Variants in NCOR2 observed in about 807,000 individuals in gnomAD.
NCOR2 encodes CTG repeat protein 26.
Under a neutral mutation model 262.9 loss-of-function variants are expected in NCOR2, and 81 were observed. That is an observed-to-expected ratio of 0.31 (90% CI 0.26 to 0.37). NCOR2 has a LOEUF of 0.37. Among genes scored for constraint, NCOR2 ranks in the 10% least tolerant of loss-of-function variants. The probability of loss-of-function intolerance (pLI) is 1.00; values close to 1 mark genes in which losing one functional copy is unlikely to be tolerated. For synonymous variants in NCOR2, 1,659 were observed against 1,559.3 expected, an observed-to-expected ratio of 1.06 and a Z score of -1.51; for missense variants, 3,385 against 3,621.4, an observed-to-expected ratio of 0.93 and a Z score of 1.68.
chr12:124,372,134 C>G, exon 20 of NCOR2: 1 of 1,601,848 alleles, frequency 6.2e-7, no homozygotes, highest in South Asian at 1.1e-5. Flanking sequence ...CTGCCGCTCC[C>G]GCCCTCCTTC....
chr12:124,485,616 G>A (rs1248647952), intron 2 of NCOR2, among the ~76,000 whole-genome samples: 3 of 152,168 alleles, frequency 2.0e-5, no homozygotes, highest in Admixed American at 6.5e-5. Flanking sequence ...ACGCTGCCTC[G>A]GCCTCCCCTC....
chr12:124,561,508 C>T (rs2052071587), intron 1 of NCOR2, among the ~76,000 whole-genome samples: 2 of 152,096 alleles, frequency 1.3e-5, no homozygotes, highest in African/African-American at 4.8e-5. Context: ...ACATTCTCAC[C>T]AATGCAGAAA....
chr12:124,375,363 GT>G (rs1214729907), intron 18 of NCOR2, among the ~76,000 whole-genome samples: 1 of 152,184 alleles, frequency 6.6e-6, no homozygotes, highest in Non-Finnish European at 1.5e-5. Context: ...TATCAAGGGG[GT>G]CTGGGGCAGG....
At chr12:124,559,867 C>T (rs373695056) in intron 1 of NCOR2, among the ~76,000 whole-genome samples, 4 of 152,174 alleles carry the variant, frequency 2.6e-5, no homozygotes, top group East Asian at 1.9e-4. Flanking sequence ...GTGAAAACGA[C>T]GCAGTGCCAC....
intron 16 of NCOR2, among the ~76,000 whole-genome samples, chr12:124,386,285 G>GC (rs2040800139): frequency 6.6e-6 from 1 of 152,088 alleles, no homozygotes; most frequent in South Asian, 2.1e-4. Context: ...GGAGGGCCTG[G>GC]CCTACGTGAC....
chr12:124,358,442 T>C (rs886848476), intron 22 of NCOR2, among the ~76,000 whole-genome samples: 16 of 152,172 alleles, frequency 1.1e-4, no homozygotes, highest in African/African-American at 3.4e-4. Flanking sequence ...GTGTGTGTTG[T>C]GGCGGGCAGT....
chr12:124,369,216 A>C (rs1209030684), intron 20 of NCOR2, among the ~76,000 whole-genome samples: 1 of 152,250 alleles, frequency 6.6e-6, no homozygotes, highest in African/African-American at 2.4e-5. Context: ...AGGGGAAGGC[A>C]GGCAGGCTCG....
At chr12:124,342,495 G>T (rs559804631) in intron 33 of NCOR2, among the ~76,000 whole-genome samples, 15 of 151,950 alleles carry the variant, frequency 9.9e-5, no homozygotes, top group South Asian at 2.1e-4. Context: ...TCAGCCTCCC[G>T]AGTAGCTGGG....
chr12:124,385,646 C>A lies in NCOR2; in HGVS notation c.2019+99G>T, dbSNP rs2040751867. 4.0e-6 allele frequency: 6 copies of A among 1,514,468 alleles called. No homozygotes were observed. The South Asian group carries it at 7.7e-5, about 19-fold the overall frequency. 93.8% of individuals were successfully genotyped at this position (1,514,468 alleles called of 1,614,324 possible). On this transcript the variant is annotated intron_variant, in intron 17 of 46. Coordinates refer to ENST00000405201, the Ensembl canonical transcript of NCOR2. ...AACAAGGCGGCATAATAGCCCCTCC[C>A]TGGCCCATGCCTCCTGGGGTGCAGA...
At chr12:124,460,107 A>G (rs117216130) in intron 5 of NCOR2, among the ~76,000 whole-genome samples, 4,563 of 152,252 alleles carry the variant, frequency 0.03, 68 homozygotes, top group Middle Eastern at 0.048. Context: ...TCTTCACAGC[A>G]CATGCGGTCA....
At chr12:124,330,622 C>T (rs1176010732) in intron 44 of NCOR2, among the ~76,000 whole-genome samples, 1 of 152,252 alleles carries the variant, frequency 6.6e-6, no homozygotes, top group Non-Finnish European at 1.5e-5. Context: ...GGGATCTTAA[C>T]TCCAGAGATT....
intron 11 of NCOR2, among the ~76,000 whole-genome samples, chr12:124,423,120 C>T (rs1475328227): frequency 6.6e-6 from 1 of 152,188 alleles, no homozygotes; most frequent in Non-Finnish European, 1.5e-5. Flanking sequence ...GGTGGCGGGT[C>T]GCTGGCACTG....
intron 13 of NCOR2, among the ~76,000 whole-genome samples, chr12:124,417,851 G>C (rs2042993246): frequency 6.6e-6 from 1 of 152,160 alleles, no homozygotes; most frequent in East Asian, 1.9e-4. Context: ...ATCTAGGTCA[G>C]GAGTTCGAGA....
At chr12:124,487,738 C>T (rs1224575502) in intron 1 of NCOR2, among the ~76,000 whole-genome samples, 1 of 152,242 alleles carries the variant, frequency 6.6e-6, no homozygotes, top group Non-Finnish European at 1.5e-5. Flanking sequence ...TACGGTCTTC[C>T]TGCTTAACAA....
chr12:124,536,776 A>G (rs980967815), upstream of NCOR2, among the ~76,000 whole-genome samples: 2 of 152,274 alleles, frequency 1.3e-5, no homozygotes, highest in African/African-American at 4.8e-5. Context: ...CATGCTTGCC[A>G]TATGACTCAG....
At chr12:124,429,113 GC>G (rs2043764036) in intron 10 of NCOR2, among the ~76,000 whole-genome samples, 2 of 152,358 alleles carry the variant, frequency 1.3e-5, no homozygotes, top group Admixed American at 1.3e-4. Flanking sequence ...GGGCTGAGGT[GC>G]CTGCGAGAAG....
intron 1 of NCOR2, among the ~76,000 whole-genome samples, chr12:124,506,838 C>A (rs764276293): frequency 1.3e-5 from 2 of 152,200 alleles, no homozygotes; most frequent in African/African-American, 4.8e-5. Context: ...AACCACTTAA[C>A]CCCGTGCCCC....
chr12:124,479,864 G>A (rs1036890348), intron 3 of NCOR2, among the ~76,000 whole-genome samples: 2 of 152,194 alleles, frequency 1.3e-5, no homozygotes, highest in African/African-American at 4.8e-5. Context: ...CCTGAATCCC[G>A]TTCCCCCACG....
chr12:124,426,882 G>A, intron 10 of NCOR2, 82 bp from the exon 13 acceptor site: 1 of 1,347,860 alleles, frequency 7.4e-7, no homozygotes, highest in Non-Finnish European at 1.0e-6. Context: ...AAGACACAGA[G>A]GGGACGGATG....
Sources: allele counts gnomAD v4.1 joint callset (sites outside exome capture counted in the v4.1 genomes callset), GRCh38; gene constraint gnomAD v4.1.1; transcripts MANE v1.5; gene names NCBI Gene and HGNC (gene_info 2026-07-23, HGNC 2026-07-21).